ANKRD44: variants seen among roughly 807,000 people sequenced by gnomAD.
ANKRD44 encodes the protein ankyrin repeat domain 44.
Under a neutral mutation model 116.0 loss-of-function variants are expected in ANKRD44, and 35 were observed. That is an observed-to-expected ratio of 0.30 (90% CI 0.23 to 0.40). ANKRD44 has a LOEUF of 0.40. Among genes scored for constraint, ANKRD44 ranks in the 10% least tolerant of loss-of-function variants. ANKRD44 has a pLI of 1.00. For missense variants in ANKRD44, 1,014 were observed against 1,242.6 expected (o/e 0.82, Z 2.77); for synonymous variants, 435 against 461.8 (o/e 0.94, Z 0.74).
chr2:197,284,539 CACAT>C (rs756088677), intron 1 of ANKRD44, among the ~76,000 whole-genome samples: 2,080 of 78,944 alleles, frequency 0.026, 37 homozygotes, highest in East Asian at 0.12. Context: ...CACACACACA[CACAT>C]AATTTGTGTG....
In ANKRD44 at chr2:197,078,572, G is replaced by T. The variant is rs115010914; in HGVS notation, c.1650+131C>A. The T allele has an allele frequency of 7.9e-3, 12,005 of 1,522,316 alleles. 67 individuals carry two copies. The highest frequency in any genetic ancestry group is 0.03 in the Middle Eastern group (173 of 5,806). 94.3% of individuals were successfully genotyped at this position (1,522,316 alleles called of 1,614,324 possible). On this transcript the variant is annotated intron_variant, in intron 16 of 27. Coordinates refer to ENST00000282272, the MANE Select transcript of ANKRD44 (RefSeq NM_001195144.2). ...AACACTTTTTGAAATCAGAATTCAT[G>T]AAATCCTGATTCATGGACCCACTTT...
rs188030585 is a variant in ANKRD44, at chr2:197,017,572, T to A, written c.1723-3860A>T. ...CCTATATATCATTTATAATAGGTAG[T>A]ATAACAACTCATGCTGATGAATCCC... On this transcript the variant is annotated intron_variant, in intron 17 of 27. Transcript: ENST00000282272. Among the ~76,000 whole-genome samples the A allele has an allele frequency of 3.3e-3, 504 of 152,332 alleles. 11 individuals carry two copies. The highest frequency in any genetic ancestry group is 4.3e-3 in the Admixed American group (66 of 15,296).
chr2:197,024,226 A>G (rs1228853938), intron 17 of ANKRD44, among the ~76,000 whole-genome samples: 1 of 152,352 alleles, frequency 6.6e-6, no homozygotes, highest in East Asian at 1.9e-4. Context: ...GTGCTTATGT[A>G]CACATAGTAT....
intron 1 of ANKRD44, among the ~76,000 whole-genome samples, chr2:197,234,251 G>A (rs1483444631): frequency 6.6e-6 from 1 of 151,182 alleles, no homozygotes; most frequent in Non-Finnish European, 1.5e-5. Context: ...GGGCAGTGGC[G>A]TGATCTCAGC....
At chr2:197,261,206 T>G (rs1369892311) in intron 1 of ANKRD44, among the ~76,000 whole-genome samples, 2 of 151,550 alleles carry the variant, frequency 1.3e-5, no homozygotes, top group Non-Finnish European at 2.9e-5. Context: ...TTTTTATGGT[T>G]TTAGGTCTAA....
chr2:196,973,957 A>T (rs983328761), intron 21 of ANKRD44, among the ~76,000 whole-genome samples: 1 of 152,208 alleles, frequency 6.6e-6, no homozygotes, highest in Non-Finnish European at 1.5e-5. Context: ...ATAAGCCTTG[A>T]TAAACTTTAA....
intron 17 of ANKRD44, among the ~76,000 whole-genome samples, chr2:197,018,258 T>G (rs2076428917): frequency 6.6e-6 from 1 of 152,178 alleles, no homozygotes; most frequent in African/African-American, 2.4e-5. Flanking sequence ...CTTCCCTCAC[T>G]GATACCAATA....
At chr2:197,000,843 G>C (rs1345064591) in intron 22 of ANKRD44, among the ~76,000 whole-genome samples, 1 of 152,106 alleles carries the variant, frequency 6.6e-6, no homozygotes, top group African/African-American at 2.4e-5. Flanking sequence ...TTCAAGACCA[G>C]CCTGGCCAAT....
intron 1 of ANKRD44, among the ~76,000 whole-genome samples, chr2:197,194,734 A>G (rs998912573): frequency 6.6e-6 from 1 of 151,620 alleles, no homozygotes; most frequent in Non-Finnish European, 1.5e-5. Context: ...ATGCATATAC[A>G]TAGATAGATA....
chr2:197,242,882 G>A lies in ANKRD44; in HGVS notation c.28-55776C>T, dbSNP rs2125803358. On this transcript the variant is annotated intron_variant, in intron 1 of 27. Transcript: ENST00000282272. ...TAAGTCAGGAAAAGCTCAACTGTCAGACCTGTCAGTCCGCCAGGCTAACCA... is the reference window on the plus strand; with the variant it reads ...TAAGTCAGGAAAAGCTCAACTGTCAAACCTGTCAGTCCGCCAGGCTAACCA... Among the ~76,000 whole-genome samples, 2 of 152,338 alleles carry A rather than the reference G, an allele frequency of 1.3e-5. 1 individual carries two copies. Among genetic ancestry groups the A allele is most frequent in the South Asian group, 4.1e-4 (2 of 4,834 alleles).
intron 1 of ANKRD44, among the ~76,000 whole-genome samples, chr2:197,279,369 T>C (rs1297546842): frequency 6.6e-6 from 1 of 152,174 alleles, no homozygotes; most frequent in Non-Finnish European, 1.5e-5. Flanking sequence ...ATATACATCA[T>C]GGTTAGATTA....
chr2:197,281,219 T>G (rs940635264), intron 1 of ANKRD44, among the ~76,000 whole-genome samples: 21 of 152,226 alleles, frequency 1.4e-4, no homozygotes, highest in Non-Finnish European at 1.2e-4. Context: ...TTATACCAAA[T>G]GAACATGTTA....
chr2:197,266,712 G>A (rs969483105), intron 1 of ANKRD44, among the ~76,000 whole-genome samples: 8 of 151,318 alleles, frequency 5.3e-5, no homozygotes, highest in Admixed American at 2.6e-4. Flanking sequence ...AAAACAAACC[G>A]CACTTCCTAC....
chr2:197,050,498 C>G (rs931292637), intron 16 of ANKRD44, among the ~76,000 whole-genome samples: 1 of 151,310 alleles, frequency 6.6e-6, no homozygotes, highest in African/African-American at 2.4e-5. Flanking sequence ...TCTCGGCTCA[C>G]TGCAGCCTCC....
chr2:197,121,450 G>A lies in ANKRD44; in HGVS notation c.788C>T (p.Ala263Val), dbSNP rs1303138189. The change falls in exon 8 of 28, where the codon GCT (alanine) becomes GTT (valine). Residue 263 changes from alanine to valine, a missense_variant. Coordinates refer to ENST00000282272, the MANE Select transcript of ANKRD44 (RefSeq NM_001195144.2). Reference sequence around the variant, plus strand: ...ATTATTGTTTGGCTGGTTCACGTTAGCACCGTAGTCAATCAACTCGTTAAC... The same window carrying A: ...ATTATTGTTTGGCTGGTTCACGTTAACACCGTAGTCAATCAACTCGTTAAC... ...AVVNELIDYG[A>V]NVNQPNNNGF... The A allele has an allele frequency of 1.2e-6, 2 of 1,614,088 alleles. No individual in the cohort carries two copies. The highest frequency in any genetic ancestry group is 2.7e-5 in the African/African-American group (2 of 74,932).
At chr2:197,219,350 G>A (rs766940474) in intron 1 of ANKRD44, among the ~76,000 whole-genome samples, 5 of 152,140 alleles carry the variant, frequency 3.3e-5, no homozygotes, top group Non-Finnish European at 5.9e-5. Flanking sequence ...TTACAGACAT[G>A]AGCCACTGCG....
intron 4 of ANKRD44, among the ~76,000 whole-genome samples, chr2:197,131,183 T>G (rs945184778): frequency 1.4e-5 from 2 of 143,460 alleles, no homozygotes; most frequent in African/African-American, 2.5e-5. Flanking sequence ...GCCTAGCAGA[T>G]AGTAAGTACT....
Position 196,989,558 on chromosome 2 carries a change from G to A in ANKRD44, c.*33C>T. 6.5e-7 allele frequency: 1 copy of A among 1,548,336 alleles called. No homozygotes were observed. The highest frequency in any genetic ancestry group is 8.7e-7 in the Non-Finnish European group (1 of 1,145,758). On this transcript the variant is annotated 3_prime_UTR_variant, in exon 28 of 28. Coordinates refer to ENST00000282272, the MANE Select transcript of ANKRD44 (RefSeq NM_001195144.2). ...TATATACACACGCACACATATATGT[G>A]TGCATGTGTATGTGCATAATTTTTA...
chr2:197,251,055 T>A (rs527597873), intron 1 of ANKRD44: 52 of 152,212 alleles, frequency 3.4e-4, no homozygotes, highest in Non-Finnish European at 6.2e-4. Context: ...ATGTATTTTA[T>A]TTATTAACAA....
Sources: allele counts gnomAD v4.1 joint callset (sites outside exome capture counted in the v4.1 genomes callset), GRCh38; gene constraint gnomAD v4.1.1; transcripts MANE v1.5; gene names NCBI Gene and HGNC (gene_info 2026-07-23, HGNC 2026-07-21).